Variants in CSMD1 observed in about 807,000 individuals in gnomAD.
The protein encoded by CSMD1 is CUB and sushi domain-containing protein 1.
In CSMD1, 213 loss-of-function variants were observed where a neutral mutation model predicts 417.5. The observed-to-expected ratio is 0.51, with a 90% confidence interval of 0.46 to 0.57. The LOEUF (loss-of-function observed/expected upper bound fraction) is 0.57. Among genes scored for constraint, CSMD1 ranks in the 20% least tolerant of loss-of-function variants. CSMD1 has a pLI of 0.00. For synonymous variants in CSMD1, 2,862 were observed against 1,736.8 expected, an observed-to-expected ratio of 1.65 and a Z score of -16.11; for missense variants, 6,923 against 4,529.7, an observed-to-expected ratio of 1.53 and a Z score of -15.17.
chr8:4,377,064 G>A (rs1802796489), intron 3 of CSMD1, among the ~76,000 whole-genome samples: 2 of 152,144 alleles, frequency 1.3e-5, no homozygotes, highest in Non-Finnish European at 2.9e-5. Context: ...CTGGATCATT[G>A]CTTCTGTTGC....
At chr8:4,350,247 A>C (rs1406810891) in intron 3 of CSMD1, among the ~76,000 whole-genome samples, 1 of 152,128 alleles carries the variant, frequency 6.6e-6, no homozygotes, top group Non-Finnish European at 1.5e-5. Context: ...CCTAAGTCTC[A>C]ACAACTGGAA....
intron 3 of CSMD1, among the ~76,000 whole-genome samples, chr8:4,355,809 TG>T (rs2128904315): frequency 6.6e-6 from 1 of 152,314 alleles, no homozygotes; most frequent in African/African-American, 2.4e-5. Context: ...GGCTGCTGTT[TG>T]GAAGTGAAGA....
At chr8:4,770,333 AAT>A (rs544514438) in intron 1 of CSMD1, among the ~76,000 whole-genome samples, 11 of 148,268 alleles carry the variant, frequency 7.4e-5, no homozygotes, top group South Asian at 2.1e-4. Context: ...TGTACATAGA[AAT>A]ATATATATAA....
intron 3 of CSMD1, among the ~76,000 whole-genome samples, chr8:4,173,268 T>G (rs1181237992): frequency 6.6e-6 from 1 of 152,180 alleles, no homozygotes; most frequent in East Asian, 1.9e-4. Context: ...TGTAATAAAA[T>G]TTTAAAAATG....
In CSMD1 at chr8:4,407,292, T is replaced by G. The variant is rs73512713; in HGVS notation, c.415+12661A>C. Among the ~76,000 whole-genome samples the G allele has an allele frequency of 5.4e-3, 819 of 152,318 alleles. 4 individuals are homozygous for G. The highest frequency in any genetic ancestry group is 0.019 in the African/African-American group (791 of 41,572). On this transcript the variant is annotated intron_variant, in intron 3 of 69. Coordinates refer to ENST00000635120, the MANE Select transcript of CSMD1 (RefSeq NM_033225.6). ...AACTTTTGGAGTAATTTCATAGGAA[T>G]AAAATCACTGCTATAATATATAAGG...
intron 38 of CSMD1, among the ~76,000 whole-genome samples, chr8:3,159,753 C>T (rs1381816284): frequency 2.0e-5 from 3 of 152,220 alleles, no homozygotes; most frequent in Non-Finnish European, 4.4e-5. Flanking sequence ...AATAAACGGT[C>T]TGCTGGGACT....
At chr8:3,995,622 G>C (rs368093597) in intron 5 of CSMD1, among the ~76,000 whole-genome samples, 1 of 152,196 alleles carries the variant, frequency 6.6e-6, no homozygotes, top group African/African-American at 2.4e-5. Flanking sequence ...CATCAGCTTT[G>C]CCATCTCTTG....
intron 3 of CSMD1, among the ~76,000 whole-genome samples, chr8:4,310,104 C>A (rs556002818): frequency 6.6e-6 from 1 of 152,168 alleles, no homozygotes; most frequent in South Asian, 2.1e-4. Flanking sequence ...CTCAGAGATT[C>A]ACTTATCTCC....
In CSMD1 at chr8:4,118,164, G is replaced by A. The variant is rs984637719; in HGVS notation, c.416-86065C>T. Among the ~76,000 whole-genome samples, 4 of 151,982 alleles carry A rather than the reference G, an allele frequency of 2.6e-5. No homozygotes were observed. The East Asian group carries it at 7.7e-4, about 29-fold the overall frequency. On this transcript the variant is annotated intron_variant, in intron 3 of 69. Transcript: ENST00000635120. The stretch of plus-strand genomic sequence containing the variant: ...TGGCAGACTCTCAGTGGGAGCAGAG[G>A]GGTGTGTTGGTACATTTATGCTGGC...
intron 3 of CSMD1, among the ~76,000 whole-genome samples, chr8:4,078,751 TC>T (rs1457980168): frequency 6.6e-6 from 1 of 150,792 alleles, no homozygotes; most frequent in Non-Finnish European, 1.5e-5. Flanking sequence ...TATTTAAATT[TC>T]AGGCCTGGCA....
chr8:3,293,015 A>G (rs1342724155), intron 25 of CSMD1, among the ~76,000 whole-genome samples: 3 of 152,080 alleles, frequency 2.0e-5, no homozygotes, highest in East Asian at 3.9e-4. Flanking sequence ...CTTTTAGGGC[A>G]GGCCTGGTGG....
At chr8:3,425,985 C>A (rs948540910) in intron 12 of CSMD1, among the ~76,000 whole-genome samples, 3 of 151,772 alleles carry the variant, frequency 2.0e-5, no homozygotes, top group Non-Finnish European at 4.4e-5. Context: ...TCTCTGTGAA[C>A]AAAAAAGCTG....
intron 10 of CSMD1, among the ~76,000 whole-genome samples, chr8:3,516,183 T>C (rs1472302428): frequency 6.6e-6 from 1 of 152,202 alleles, no homozygotes; most frequent in Middle Eastern, 3.2e-3. Flanking sequence ...CCACTAATAT[T>C]GTCTCCAAAT....
chr8:4,134,323 A>G (rs1803289063), intron 3 of CSMD1, among the ~76,000 whole-genome samples: 1 of 152,186 alleles, frequency 6.6e-6, no homozygotes, highest in South Asian at 2.1e-4. Flanking sequence ...AGCTATAAAG[A>G]CATCTTTAAG....
chr8:3,829,009 A>G (rs1293327871), intron 5 of CSMD1, among the ~76,000 whole-genome samples: 2 of 151,328 alleles, frequency 1.3e-5, no homozygotes, highest in Admixed American at 6.6e-5. Context: ...TCTGTCTACA[A>G]TCACCTTTCT....
At position 2,950,480 on chromosome 8, in the gene CSMD1, A is replaced by G. The variant is rs568540519; in HGVS notation, c.10202-137T>C. The G allele has an allele frequency of 1.4e-4, 88 of 613,546 alleles. 2 individuals are homozygous for G. The South Asian group carries it at 1.5e-3, about 11-fold the overall frequency. 38.0% of individuals were successfully genotyped at this position (613,546 alleles called of 1,614,324 possible). On this transcript the variant is annotated intron_variant, in intron 66 of 69. Coordinates refer to ENST00000635120, the MANE Select transcript of CSMD1 (RefSeq NM_033225.6). ...AAACTCAAACAGAAATTGTATTTTTATTTGTGAATTTTAGCTTAGGAGCTT... is the reference window on the plus strand; with the variant it reads ...AAACTCAAACAGAAATTGTATTTTTGTTTGTGAATTTTAGCTTAGGAGCTT...
At chr8:3,194,035 C>T (rs987460667) in intron 33 of CSMD1, among the ~76,000 whole-genome samples, 1 of 152,184 alleles carries the variant, frequency 6.6e-6, no homozygotes, top group Non-Finnish European at 1.5e-5. Context: ...GGGACATTTT[C>T]TCTCTCAAAA....
chr8:3,356,693 AC>A (rs1177730438), intron 21 of CSMD1, among the ~76,000 whole-genome samples: 1 of 140,870 alleles, frequency 7.1e-6, no homozygotes, highest in East Asian at 2.1e-4. Flanking sequence ...AACAACAACA[AC>A]AAAAAAACGT....
chr8:3,412,762 T>G (rs1277771318), intron 12 of CSMD1, among the ~76,000 whole-genome samples: 11 of 152,354 alleles, frequency 7.2e-5, no homozygotes, highest in Admixed American at 6.5e-4. Context: ...TAAAGATAGT[T>G]CTTGGAGTTT....
Sources: gnomAD v4.1 joint callset for allele counts (sites outside exome capture counted in the v4.1 genomes callset) on GRCh38, gnomAD v4.1.1 for gene constraint, MANE v1.5 for transcripts, NCBI Gene and HGNC (gene_info 2026-07-23, HGNC 2026-07-21) for gene names.